FUT8: variants seen among roughly 807,000 people sequenced by gnomAD.
FUT8 encodes alpha-(1,6)-fucosyltransferase.
FUT8 carries 29 observed loss-of-function variants against 71.3 expected under a neutral mutation model. The observed-to-expected ratio is 0.41, with a 90% CI of 0.30 to 0.55. The LOEUF (loss-of-function observed/expected upper bound fraction) is 0.55, where lower values mean the gene tolerates loss of function less well. Among genes scored for constraint, FUT8 ranks in the 20% least tolerant of loss-of-function variants. FUT8 has a pLI of 0.34. For missense variants in FUT8, 544 were observed against 702.1 expected (o/e 0.77, Z 2.55); for synonymous variants, 254 against 239.3 (o/e 1.06, Z -0.57).
chr14:65,579,505 T>C lies in FUT8; in HGVS notation c.203+17739T>C, dbSNP rs572099804. ...TTAACCATAATGATAGGTTAGTGTC[T>C]TATAAATAAGTAGAAATGGCACATT... On this transcript the variant is annotated intron_variant, in intron 3 of 10. Transcript: ENST00000673929. 1.1e-4 allele frequency among the ~76,000 whole-genome samples: 17 copies of C among 152,288 alleles called. No individual in the cohort carries two copies. The South Asian group carries it at 3.3e-3, about 30-fold the overall frequency.
chr14:65,412,627 C>G (rs893973018), upstream of FUT8: 1 of 293,680 alleles, frequency 3.4e-6, no homozygotes, highest in Non-Finnish European at 6.6e-6. Context: ...AGGAAGGGGG[C>G]GGGGAGAATC....
At chr14:65,717,781 C>T (rs1190471580) in intron 7 of FUT8, among the ~76,000 whole-genome samples, 2 of 149,136 alleles carry the variant, frequency 1.3e-5, no homozygotes, top group African/African-American at 4.9e-5. Flanking sequence ...CCTCAGTTCC[C>T]AGACGGGGCG....
At chr14:65,379,035 TG>T in the FUT8 span, among the ~76,000 whole-genome samples, 2 of 151,502 alleles carry the variant, frequency 1.3e-5, no homozygotes, top group Non-Finnish European at 2.9e-5. Flanking sequence ...TTAGTAGAGA[TG>T]GGATTTCATC....
At chr14:65,629,348 A>G in intron 5 of FUT8, 144 bp from the exon 6 acceptor site, 1 of 517,236 alleles carries the variant, frequency 1.9e-6, no homozygotes, top group South Asian at 3.5e-5. Context: ...GAATTGCACA[A>G]CCTTGATAGA....
chr14:65,691,706 G>C (rs1315795515), intron 7 of FUT8, among the ~76,000 whole-genome samples: 1 of 151,934 alleles, frequency 6.6e-6, no homozygotes, highest in Admixed American at 6.6e-5. Flanking sequence ...AGATAAACAA[G>C]TGAACAAAGG....
intron 2 of FUT8, among the ~76,000 whole-genome samples, chr14:65,503,937 T>C (rs1017876259): frequency 6.6e-6 from 1 of 152,262 alleles, no homozygotes; most frequent in Non-Finnish European, 1.5e-5. Flanking sequence ...AATGTTCATA[T>C]TTGAATATTT....
chr14:65,595,405 T>C (rs904178324), intron 3 of FUT8, among the ~76,000 whole-genome samples: 1 of 152,088 alleles, frequency 6.6e-6, no homozygotes, highest in South Asian at 2.1e-4. Context: ...AAAATTTGTT[T>C]CCAGGGTTTA....
chr14:65,692,758 T>C (rs1458012837), intron 7 of FUT8, among the ~76,000 whole-genome samples: 4 of 134,348 alleles, frequency 3.0e-5, no homozygotes, highest in Non-Finnish European at 6.3e-5. Flanking sequence ...GACGGGGTGG[T>C]TGCCGGGCAG....
chr14:65,454,930 A>T (rs993460876), intron 1 of FUT8, among the ~76,000 whole-genome samples: 1 of 152,184 alleles, frequency 6.6e-6, no homozygotes, highest in African/African-American at 2.4e-5. Context: ...ACTGCATGAG[A>T]TGGTGCATGT....
At position 65,679,223 on chromosome 14, in the gene FUT8, A is replaced by T. The variant is rs543523348; in HGVS notation, c.835+9743A>T. On this transcript the variant is annotated intron_variant, in intron 7 of 10. Transcript: ENST00000673929. ...CTGCTGCTACATCTGGCAAATCTTG[A>T]TCCATATAATTTAGAATTAATAATA... is the stretch of plus-strand genomic sequence containing the variant. 3.0e-4 allele frequency among the ~76,000 whole-genome samples: 45 copies of T among 152,318 alleles called. No individual in the cohort carries two copies. In the South Asian group the frequency reaches 8.9e-3, roughly 30 times the overall value.
At chr14:65,564,573 C>A (rs1432876406) in intron 3 of FUT8, among the ~76,000 whole-genome samples, 1 of 151,910 alleles carries the variant, frequency 6.6e-6, no homozygotes, top group Admixed American at 6.6e-5. Context: ...CTTCCTTTAT[C>A]GTAGATGTCT....
chr14:65,440,762 T>C (rs1263343874), intron 1 of FUT8, among the ~76,000 whole-genome samples: 1 of 152,136 alleles, frequency 6.6e-6, no homozygotes, highest in Non-Finnish European at 1.5e-5. Context: ...GTTGGTATAA[T>C]TGGTAAGTCA....
intron 7 of FUT8, among the ~76,000 whole-genome samples, chr14:65,718,195 T>A (rs779197282): frequency 3.9e-5 from 6 of 152,200 alleles, no homozygotes; most frequent in Non-Finnish European, 8.8e-5. Flanking sequence ...CTCTGGTGGT[T>A]TGTTTTAATT....
intron 7 of FUT8, among the ~76,000 whole-genome samples, chr14:65,702,968 A>G (rs1378579254): frequency 6.6e-6 from 1 of 152,076 alleles, no homozygotes; most frequent in East Asian, 1.9e-4. Flanking sequence ...GATGGTCTTG[A>G]TCTCTTGACC....
At chr14:65,366,349 G>A in the FUT8 span, among the ~76,000 whole-genome samples, 8 of 152,202 alleles carry the variant, frequency 5.3e-5, no homozygotes, top group Non-Finnish European at 1.2e-4. Context: ...GAGGAAGTGA[G>A]ATTTGAGCTG....
At chr14:65,732,031 G>C (rs1042373303) in intron 9 of FUT8, among the ~76,000 whole-genome samples, 1 of 152,134 alleles carries the variant, frequency 6.6e-6, no homozygotes, top group Non-Finnish European at 1.5e-5. Context: ...CCATGCCTGG[G>C]TATGCAGCTT....
intron 2 of FUT8, among the ~76,000 whole-genome samples, chr14:65,551,942 G>A (rs956544559): frequency 7.2e-5 from 11 of 151,906 alleles, no homozygotes; most frequent in Non-Finnish European, 1.0e-4. Context: ...TCAGCTCTGC[G>A]GTAAAATCTT....
intron 6 of FUT8, among the ~76,000 whole-genome samples, chr14:65,641,575 A>G (rs1265957310): frequency 6.6e-6 from 1 of 152,186 alleles, no homozygotes; most frequent in Non-Finnish European, 1.5e-5. Flanking sequence ...TAACTTTTTA[A>G]GAAACTGTTT....
the FUT8 span, among the ~76,000 whole-genome samples, chr14:65,370,027 T>C: frequency 2.0e-5 from 3 of 151,924 alleles, no homozygotes; most frequent in Non-Finnish European, 4.4e-5. Context: ...CTCACAGAAA[T>C]AGTCATTTAT....
Sources: gnomAD v4.1 joint callset for allele counts (sites outside exome capture counted in the v4.1 genomes callset) on GRCh38, gnomAD v4.1.1 for gene constraint, MANE v1.5 for transcripts, NCBI Gene and HGNC (gene_info 2026-07-23, HGNC 2026-07-21) for gene names.